Variants in CCDC178 observed in about 807,000 individuals in gnomAD.
CCDC178 encodes coiled-coil domain containing 178, also known as coiled-coil domain-containing protein 178.
In CCDC178, 126 loss-of-function variants were observed where a neutral mutation model predicts 117.4. That is an observed-to-expected ratio of 1.07 (90% CI 0.93 to 1.24). CCDC178 has a LOEUF of 1.24. CCDC178 is among the 50% of genes most tolerant of loss of function. The probability of loss-of-function intolerance (pLI) is 0.00; values close to 1 mark genes in which losing one functional copy is unlikely to be tolerated. For missense variants in CCDC178, 1,030 were observed against 986.9 expected, an observed-to-expected ratio of 1.04 and a Z score of -0.59; for synonymous variants, 283 against 313.4, an observed-to-expected ratio of 0.90 and a Z score of 1.02.
intron 20 of CCDC178, among the ~76,000 whole-genome samples, chr18:33,109,578 TA>T (rs2057753705): frequency 6.6e-6 from 1 of 151,494 alleles, no homozygotes. Context: ...CCAACATAAC[TA>T]GCATCTACAT....
intron 20 of CCDC178, among the ~76,000 whole-genome samples, chr18:33,149,400 C>A (rs2058313996): frequency 6.6e-6 from 1 of 152,128 alleles, no homozygotes; most frequent in African/African-American, 2.4e-5. Context: ...GAATGTGGAG[C>A]TATGTGAACA....
At chr18:32,957,639 G>A (rs2054621647) in intron 22 of CCDC178, 1 of 152,138 alleles carries the variant, frequency 6.6e-6, no homozygotes, top group African/African-American at 2.4e-5. Flanking sequence ...TACAATATTA[G>A]TTGTCAAATT....
chr18:33,289,568 C>A (rs58153183), intron 12 of CCDC178, among the ~76,000 whole-genome samples: 2 of 151,896 alleles, frequency 1.3e-5, no homozygotes, highest in African/African-American at 4.8e-5. Context: ...GAGCCAAGAT[C>A]GCATCACTGC....
chr18:32,974,445 A>T (rs1038758116), intron 22 of CCDC178, 102 bp downstream of exon 22: 105 of 1,138,478 alleles, frequency 9.2e-5, no homozygotes, highest in Non-Finnish European at 1.3e-4. Context: ...AAAATTTATA[A>T]AACTCTGATG....
intron 20 of CCDC178, among the ~76,000 whole-genome samples, chr18:33,153,459 T>C (rs1364617576): frequency 6.6e-6 from 1 of 152,062 alleles, no homozygotes; most frequent in Admixed American, 6.5e-5. Flanking sequence ...CTCTTATGTC[T>C]CTCATATCTT....
chr18:33,251,096 C>G (rs559104958), intron 14 of CCDC178, among the ~76,000 whole-genome samples: 1 of 151,462 alleles, frequency 6.6e-6, no homozygotes, highest in Non-Finnish European at 1.5e-5. Flanking sequence ...TGTGAGTTCA[C>G]AGAAATAGAC....
chr18:33,203,697 T>A (rs1679632676), intron 20 of CCDC178, among the ~76,000 whole-genome samples: 1 of 152,174 alleles, frequency 6.6e-6, no homozygotes, highest in Admixed American at 6.5e-5. Flanking sequence ...CTGAAATATT[T>A]CTCCATTTCA....
At chr18:33,186,239 T>A (rs1038507939) in intron 20 of CCDC178, among the ~76,000 whole-genome samples, 1 of 152,060 alleles carries the variant, frequency 6.6e-6, no homozygotes, top group Non-Finnish European at 1.5e-5. Context: ...TAGGAAATTA[T>A]TCTGATTTTC....
intron 3 of CCDC178, among the ~76,000 whole-genome samples, chr18:33,406,469 T>C (rs2063781649): frequency 6.6e-6 from 1 of 152,012 alleles, no homozygotes; most frequent in Non-Finnish European, 1.5e-5. Flanking sequence ...TTACAGCTCA[T>C]AACATTTATG....
At chr18:33,295,786 G>C (rs866283114) in intron 11 of CCDC178, among the ~76,000 whole-genome samples, 5 of 152,056 alleles carry the variant, frequency 3.3e-5, no homozygotes, top group South Asian at 2.1e-4. Context: ...TAAAAAAATA[G>C]TGTTCTCTTG....
intron 20 of CCDC178, among the ~76,000 whole-genome samples, chr18:33,144,385 T>A (rs1166293185): frequency 6.6e-6 from 1 of 152,154 alleles, no homozygotes; most frequent in Non-Finnish European, 1.5e-5. Flanking sequence ...ATTTTAATAT[T>A]GTGACATTGA....
At chr18:33,369,385 T>C (rs2063265738) in intron 6 of CCDC178, among the ~76,000 whole-genome samples, 1 of 151,808 alleles carries the variant, frequency 6.6e-6, no homozygotes, top group South Asian at 2.1e-4. Flanking sequence ...CTGAGCCAGA[T>C]CCAGTAACAG....
At chr18:33,178,226 C>T (rs1328537054) in intron 20 of CCDC178, among the ~76,000 whole-genome samples, 1 of 152,116 alleles carries the variant, frequency 6.6e-6, no homozygotes, top group East Asian at 1.9e-4. Flanking sequence ...GTCACTTACC[C>T]GGTTTCATAA....
At chr18:33,382,626 G>A (rs1427752202) in intron 5 of CCDC178, among the ~76,000 whole-genome samples, 1 of 152,174 alleles carries the variant, frequency 6.6e-6, no homozygotes, top group Non-Finnish European at 1.5e-5. Context: ...AGTGGTGAGG[G>A]AATGTGCTAC....
intron 18 of CCDC178, among the ~76,000 whole-genome samples, chr18:33,217,340 C>A (rs1038552391): frequency 1.3e-5 from 2 of 151,832 alleles, no homozygotes; most frequent in Non-Finnish European, 2.9e-5. Flanking sequence ...TGTTTTATTT[C>A]TTTTGACCCA....
At chr18:33,273,025 A>T (rs2059908212) in intron 12 of CCDC178, among the ~76,000 whole-genome samples, 1 of 150,808 alleles carries the variant, frequency 6.6e-6, no homozygotes. Flanking sequence ...TTGATGCTCT[A>T]ACCAAAGTAA....
chr18:32,975,841 G>T (rs2055018204), intron 21 of CCDC178, among the ~76,000 whole-genome samples: 1 of 151,972 alleles, frequency 6.6e-6, no homozygotes, highest in Non-Finnish European at 1.5e-5. Context: ...TATCTGATGG[G>T]TTACATATGC....
At chr18:33,374,666 G>C (rs1430132019) in intron 5 of CCDC178, among the ~76,000 whole-genome samples, 1 of 151,988 alleles carries the variant, frequency 6.6e-6, no homozygotes, top group Non-Finnish European at 1.5e-5. Flanking sequence ...TCCACAAAAA[G>C]AATTGTAGGT....
chr18:33,101,189 T>C (rs948314567), intron 20 of CCDC178, among the ~76,000 whole-genome samples: 1 of 151,630 alleles, frequency 6.6e-6, no homozygotes, highest in Non-Finnish European at 1.5e-5. Flanking sequence ...TATTTGATGT[T>C]ATGCCCTTGT....
Sources: gnomAD v4.1 joint callset for allele counts (sites outside exome capture counted in the v4.1 genomes callset) on GRCh38, gnomAD v4.1.1 for gene constraint, MANE v1.5 for transcripts, NCBI Gene and HGNC (gene_info 2026-07-23, HGNC 2026-07-21) for gene names.